The following CSRP1 variants were observed in gnomAD, a reference collection of about 807,000 sequenced individuals.
The protein encoded by CSRP1 is cysteine and glycine-rich protein 1.
CSRP1 carries 16 observed loss-of-function variants against 25.4 expected under a neutral mutation model. The observed-to-expected ratio is 0.63, with a 90% CI of 0.43 to 0.96. The LOEUF is 0.96. Ranked by LOEUF, CSRP1 falls within the 40% of genes least tolerant of loss-of-function variation. The probability of loss-of-function intolerance (pLI) is 0.00; values close to 1 mark genes in which losing one functional copy is unlikely to be tolerated. For synonymous variants in CSRP1, 97 were observed against 95.3 expected (o/e 1.02, Z -0.10); for missense variants, 212 against 243.6 (o/e 0.87, Z 0.86).
intron 2 of CSRP1, among the ~76,000 whole-genome samples, chr1:201,494,957 G>A (rs1664464176): frequency 6.6e-6 from 1 of 152,178 alleles, no homozygotes; most frequent in Admixed American, 6.5e-5. Context: ...AATCCCATGA[G>A]GTAACTATTA....
At chr1:201,503,201 T>A (rs115992314) in intron 1 of CSRP1, among the ~76,000 whole-genome samples, 1,751 of 152,302 alleles carry the variant, frequency 0.011, 19 homozygotes, top group South Asian at 0.017. Flanking sequence ...ATGACTTCTT[T>A]GTAGTATTTC....
At chr1:201,499,574 A>T (rs1192253813) in intron 1 of CSRP1, among the ~76,000 whole-genome samples, 1 of 151,864 alleles carries the variant, frequency 6.6e-6, no homozygotes, top group Non-Finnish European at 1.5e-5. Flanking sequence ...ACTGCCATGG[A>T]CTGAATGCCT....
intron 3 of CSRP1, 145 bp from the exon 4 acceptor site, chr1:201,489,129 G>C: frequency 1.0e-6 from 1 of 968,120 alleles, no homozygotes; most frequent in Non-Finnish European, 1.5e-6. Flanking sequence ...AGGGCCTCTA[G>C]GGTCATCTCC....
At chr1:201,498,496 CG>C (rs1433648081) in intron 1 of CSRP1, among the ~76,000 whole-genome samples, 2 of 152,180 alleles carry the variant, frequency 1.3e-5, no homozygotes, top group Admixed American at 1.3e-4. Flanking sequence ...TGTTGAAAAC[CG>C]GGATGTGGCA....
intron 4 of CSRP1, chr1:201,486,527 T>G (rs1664149217): frequency 1.0e-6 from 1 of 985,578 alleles, no homozygotes; most frequent in Admixed American, 6.1e-5. Context: ...TGGGGGGACC[T>G]GGGTCTAGGT....
At chr1:201,502,197 T>C (rs1168191617) in intron 1 of CSRP1, among the ~76,000 whole-genome samples, 9 of 152,128 alleles carry the variant, frequency 5.9e-5, no homozygotes, top group Non-Finnish European at 1.5e-5. Flanking sequence ...TCCAAAATCA[T>C]TTATTCCCTA....
chr1:201,499,810 C>T (rs547296031), intron 1 of CSRP1, among the ~76,000 whole-genome samples: 1 of 152,108 alleles, frequency 6.6e-6, no homozygotes, highest in African/African-American at 2.4e-5. Flanking sequence ...TTATTAGAGA[C>T]AGGGTTTCAC....
chr1:201,490,372 ATT>A (rs1664300322), intron 2 of CSRP1, 28 bp from the exon 3 acceptor site: 1 of 1,609,548 alleles, frequency 6.2e-7, no homozygotes, highest in Admixed American at 1.7e-5. Context: ...AAGCGGACGC[ATT>A]GAGTTGAAGC....
At position 201,485,322 on chromosome 1, in the gene CSRP1, T is replaced by C. The variant is rs1351145427; in HGVS notation, c.466A>G (p.Thr156Ala). 4.3e-6 allele frequency: 7 copies of C among 1,614,148 alleles called. No homozygotes were observed. The highest frequency in any genetic ancestry group is 2.2e-5 in the East Asian group (1 of 44,884). Residue 156 changes from threonine (T) to alanine (A), a missense_variant, in exon 5 of 6, where the codon ACC (threonine) becomes GCC (alanine). Thr to Ala is a moderately conservative substitution (Grantham distance 58). Coordinates refer to ENST00000340006, the MANE Select transcript of CSRP1 (RefSeq NM_004078.3). ...TCGCCATCCTTGTCTGCCAGGGTGG[T>C]TGACTCAAGGCCTTTGCCACACTTG... ...CAKCGKGLES[T>A]TLADKDGEIY... is the part of the protein sequence containing the mutation.
rs778584079 is a variant in CSRP1, at chr1:201,490,216, T to C, written c.241A>G (p.Ser81Gly). Reference protein sequence around the residue: ...YGYGQGAGTLSTDKGESLGIK... With the variant: ...YGYGQGAGTLGTDKGESLGIK... The stretch of plus-strand genomic sequence containing the variant: ...CCCAGCGACTCCCCCTTGTCAGTGC[T>C]GAGGGTGCCTGCGCCCTGCCCGTAG... Residue 81 changes from serine to glycine, a missense_variant, in exon 3 of 6, where the codon AGC (serine) becomes GGC (glycine). Transcript: ENST00000340006. 3 of 1,614,206 alleles carry C rather than the reference T, an allele frequency of 1.9e-6. No individual in the cohort carries two copies. The highest frequency in any genetic ancestry group is 1.1e-5 in the South Asian group (1 of 91,086).
At chr1:201,494,359 T>C (rs936077392) in intron 2 of CSRP1, among the ~76,000 whole-genome samples, 1 of 152,094 alleles carries the variant, frequency 6.6e-6, no homozygotes, top group Non-Finnish European at 1.5e-5. Flanking sequence ...CTAGACCCCC[T>C]TCCCAGCCAG....
At position 201,502,605 on chromosome 1, in the gene CSRP1, G is replaced by A. The variant is rs182767372; in HGVS notation, c.-2+4465C>T. Among the ~76,000 whole-genome samples, 816 of 152,266 alleles carry A rather than the reference G, an allele frequency of 5.4e-3. 4 individuals carry two copies. Among genetic ancestry groups the A allele is most frequent in the Non-Finnish European group, 9.2e-3 (624 of 68,022 alleles). ...TCCTTCAGAACCGTGCACATGACCC[G>A]CCTCTCTGAAAAGGTAACCAGCATC... On this transcript the variant is annotated intron_variant, in intron 1 of 5. Coordinates refer to ENST00000340006, the MANE Select transcript of CSRP1 (RefSeq NM_004078.3).
intron 1 of CSRP1, among the ~76,000 whole-genome samples, chr1:201,502,233 G>A (rs754809392): frequency 7.2e-5 from 11 of 152,196 alleles, no homozygotes; most frequent in Non-Finnish European, 1.6e-4. Flanking sequence ...TGACGGCACA[G>A]GGTTAAAGTC....
At chr1:201,498,000 A>G (rs1189950289) in intron 1 of CSRP1, among the ~76,000 whole-genome samples, 1 of 150,304 alleles carries the variant, frequency 6.7e-6, no homozygotes, top group East Asian at 2.0e-4. Context: ...ACAGAGCAAG[A>G]CTCCGTCTCA....
rs368476178 is a variant in CSRP1 at position 201,490,307 on chromosome 1, G to T, written c.150C>A (p.Ala50=). 34 of 1,614,008 alleles carry T rather than the reference G, an allele frequency of 2.1e-5. No homozygotes were observed. The South Asian group carries it at 2.9e-4, about 14-fold the overall frequency. The change falls in exon 3 of 6, where the codon GCC becomes GCA. Residue 50 remains alanine, a synonymous_variant. Coordinates refer to ENST00000340006, the MANE Select transcript of CSRP1 (RefSeq NM_004078.3). ...CKKNLDSTTV[A]VHGEEIYCKS... is the part of the protein sequence containing the mutation. ...TGCAGTAAATCTCCTCACCATGCACGGCCACAGTGGTACTGTCCAGATTCT... is the reference window on the plus strand; with the variant it reads ...TGCAGTAAATCTCCTCACCATGCACTGCCACAGTGGTACTGTCCAGATTCT...
At chr1:201,499,187 G>A (rs999548451) in intron 1 of CSRP1, among the ~76,000 whole-genome samples, 8 of 152,216 alleles carry the variant, frequency 5.3e-5, no homozygotes, top group Admixed American at 2.0e-4. Context: ...AAAACCGTAC[G>A]ATGTGAAGGA....
Position 201,483,882 on chromosome 1 carries a change from C to T in CSRP1, c.*831G>A. 1 of 625,824 alleles carries T rather than the reference C, an allele frequency of 1.6e-6. No individual in the cohort carries two copies. The highest frequency in any genetic ancestry group is 2.8e-5 in the East Asian group (1 of 36,174). The allele number at this position is 625,824 out of a possible 1,614,324, so 38.8% of individuals were successfully genotyped here. On this transcript the variant is annotated 3_prime_UTR_variant, in exon 6 of 6. Transcript: ENST00000340006. ...TCAAGCAGGTGTGGCAAGAACAGAGCCCTGGCCTGGGCTCTGCTGGCCGCA... is the reference window on the plus strand; with the variant it reads ...TCAAGCAGGTGTGGCAAGAACAGAGTCCTGGCCTGGGCTCTGCTGGCCGCA...
At chr1:201,502,325 G>C (rs1209711570) in intron 1 of CSRP1, among the ~76,000 whole-genome samples, 1 of 152,232 alleles carries the variant, frequency 6.6e-6, no homozygotes, top group African/African-American at 2.4e-5. Flanking sequence ...TATCTGCCAG[G>C]TGGACAGGAG....
intron 1 of CSRP1, 174 bp from the exon 2 acceptor site, chr1:201,496,478 G>A (rs768417898): frequency 2.3e-5 from 14 of 620,542 alleles, no homozygotes; most frequent in East Asian, 5.5e-5. Flanking sequence ...CAGCAGCCTC[G>A]CACGTTCTCG....
Sources: allele counts gnomAD v4.1 joint callset (sites outside exome capture counted in the v4.1 genomes callset), GRCh38; gene constraint gnomAD v4.1.1; transcripts MANE v1.5; gene names NCBI Gene and HGNC (gene_info 2026-07-23, HGNC 2026-07-21).